TMC1: variants seen among roughly 807,000 people sequenced by gnomAD.
TMC1 encodes the protein transmembrane channel-like protein 1.
Under a neutral mutation model 105.8 loss-of-function variants are expected in TMC1, and 84 were observed. The ratio of observed to expected loss-of-function variants is 0.79; its 90% CI spans 0.67 to 0.95. The LOEUF (loss-of-function observed/expected upper bound fraction) is 0.95, where lower values mean the gene tolerates loss of function less well. Ranked by LOEUF, TMC1 falls within the 40% of genes least tolerant of loss-of-function variation. The pLI is 0.00. For missense variants in TMC1, 817 were observed against 914.1 expected, an observed-to-expected ratio of 0.89 and a Z score of 1.37; for synonymous variants, 315 against 311.5, an observed-to-expected ratio of 1.01 and a Z score of -0.12.
chr9:72,541,067 C>A (rs1329749601), intron 1 of TMC1, among the ~76,000 whole-genome samples: 2 of 152,182 alleles, frequency 1.3e-5, no homozygotes, highest in African/African-American at 4.8e-5. Flanking sequence ...TAAATCTACC[C>A]TCCTTTCCTT....
intron 1 of TMC1, among the ~76,000 whole-genome samples, chr9:72,554,445 G>A (rs182891126): frequency 6.6e-6 from 1 of 152,126 alleles, no homozygotes; most frequent in African/African-American, 2.4e-5. Context: ...GTTATTTCTC[G>A]TCAAAAGACA....
chr9:72,559,622 C>G (rs1824010452), intron 1 of TMC1, among the ~76,000 whole-genome samples: 1 of 152,000 alleles, frequency 6.6e-6, no homozygotes, highest in Non-Finnish European at 1.5e-5. Flanking sequence ...AAGAAAAGAG[C>G]AGGGCCTAGA....
At chr9:72,587,724 A>G (rs913193472) in intron 2 of TMC1, among the ~76,000 whole-genome samples, 4 of 152,028 alleles carry the variant, frequency 2.6e-5, no homozygotes, top group Non-Finnish European at 4.4e-5. Flanking sequence ...ATTGGCCACA[A>G]TCCATCATAT....
chr9:72,698,643 T>C (rs567893187), intron 7 of TMC1, among the ~76,000 whole-genome samples: 5 of 152,244 alleles, frequency 3.3e-5, no homozygotes, highest in African/African-American at 4.8e-5. Flanking sequence ...AACACTAAAG[T>C]ATCATAGTGA....
At chr9:72,550,995 A>G (rs1244239704) in intron 1 of TMC1, among the ~76,000 whole-genome samples, 1 of 152,202 alleles carries the variant, frequency 6.6e-6, no homozygotes. Flanking sequence ...GATCAGTCAG[A>G]TTTACAGATG....
At chr9:72,705,213 G>A (rs1447561995) in intron 8 of TMC1, among the ~76,000 whole-genome samples, 1 of 152,124 alleles carries the variant, frequency 6.6e-6, no homozygotes, top group South Asian at 2.1e-4. Context: ...CTTATTACTT[G>A]TCTTGAAACC....
chr9:72,584,322 G>A (rs1305213695), intron 2 of TMC1, among the ~76,000 whole-genome samples: 1 of 149,662 alleles, frequency 6.7e-6, no homozygotes, highest in Non-Finnish European at 1.5e-5. Context: ...CTGTAGTGCA[G>A]TGATGAGATC....
chr9:72,721,128 G>C (rs1827016840), intron 8 of TMC1, among the ~76,000 whole-genome samples: 1 of 152,152 alleles, frequency 6.6e-6, no homozygotes, highest in South Asian at 2.1e-4. Context: ...AAATATTTTT[G>C]AGCTGAAGGG....
intron 8 of TMC1, among the ~76,000 whole-genome samples, chr9:72,712,771 C>T (rs1314756261): frequency 6.6e-6 from 1 of 152,138 alleles, no homozygotes; most frequent in Non-Finnish European, 1.5e-5. Flanking sequence ...CTTTCTCTTG[C>T]CTGATTGCCC....
chr9:72,585,113 G>A (rs1306339803), intron 2 of TMC1, among the ~76,000 whole-genome samples: 1 of 149,524 alleles, frequency 6.7e-6, no homozygotes, highest in Non-Finnish European at 1.5e-5. Context: ...GTGTCATTGG[G>A]GCTTCTCTTA....
chr9:72,801,826 T>G (rs1291098711), intron 17 of TMC1, among the ~76,000 whole-genome samples: 1 of 152,192 alleles, frequency 6.6e-6, no homozygotes. Flanking sequence ...TTAAAATATA[T>G]TTTTCCTATG....
intron 13 of TMC1, among the ~76,000 whole-genome samples, chr9:72,784,422 CAAA>C (rs1467992736): frequency 6.6e-6 from 1 of 151,800 alleles, no homozygotes; most frequent in Non-Finnish European, 1.5e-5. Context: ...AACAAACAAA[CAAA>C]CAAACAAACA....
chr9:72,685,655 C>T (rs141782046), intron 5 of TMC1, among the ~76,000 whole-genome samples: 6 of 152,122 alleles, frequency 3.9e-5, no homozygotes, highest in Admixed American at 6.6e-5. Flanking sequence ...TGAGCCACTG[C>T]GCCTGGCCTA....
chr9:72,738,900 C>T (rs993531216), intron 8 of TMC1, among the ~76,000 whole-genome samples: 6 of 152,046 alleles, frequency 3.9e-5, no homozygotes, highest in Admixed American at 3.9e-4. Context: ...GAGGCTACTC[C>T]ATCACTTAAA....
chr9:72,631,540 A>C (rs756874382), intron 4 of TMC1, among the ~76,000 whole-genome samples: 2 of 152,248 alleles, frequency 1.3e-5, no homozygotes, highest in Non-Finnish European at 2.9e-5. Flanking sequence ...ACTACAGTCT[A>C]CTAAATAGTA....
chr9:72,799,591 C>G lies in TMC1; in HGVS notation c.1567-5791C>G, dbSNP rs114001055. ...AAGCTTTCGGGAACCAGATAAATCC[C>G]CCCTTTGATGATATATGCTATTAAT... On this transcript the variant is annotated intron_variant, in intron 17 of 23. Coordinates refer to ENST00000297784, the MANE Select transcript of TMC1 (RefSeq NM_138691.3). Among the ~76,000 whole-genome samples the G allele has an allele frequency of 4.8e-3, 725 of 151,996 alleles. 5 individuals are homozygous for G. Among genetic ancestry groups the G allele is most frequent in the African/African-American group, 0.016 (645 of 41,468 alleles).
chr9:72,550,657 CAAAAAAAAA>C (rs71493659), intron 1 of TMC1, among the ~76,000 whole-genome samples: 8 of 61,822 alleles, frequency 1.3e-4, no homozygotes, highest in Non-Finnish European at 2.1e-4. Context: ...GACTCCATCT[CAAAAAAAAA>C]AAAAAAAAAA....
chr9:72,599,462 A>G (rs1824770815), intron 2 of TMC1, among the ~76,000 whole-genome samples: 1 of 152,206 alleles, frequency 6.6e-6, no homozygotes, highest in African/African-American at 2.4e-5. Context: ...AGCAGATCTC[A>G]GTTACAAAAA....
chr9:72,779,962 A>G (rs1006629064), intron 13 of TMC1, among the ~76,000 whole-genome samples: 2 of 152,150 alleles, frequency 1.3e-5, no homozygotes, highest in African/African-American at 4.8e-5. Context: ...CACATAGCCC[A>G]CAGATTCTTT....
Sources: gnomAD v4.1 joint callset for allele counts (sites outside exome capture counted in the v4.1 genomes callset) on GRCh38, gnomAD v4.1.1 for gene constraint, MANE v1.5 for transcripts, NCBI Gene and HGNC (gene_info 2026-07-23, HGNC 2026-07-21) for gene names.